Variants in WDR43 observed in about 807,000 individuals in gnomAD.
WDR43 encodes WD repeat-containing protein 43.
Under a neutral mutation model 91.4 loss-of-function variants are expected in WDR43, and 13 were observed. The ratio of observed to expected loss-of-function variants is 0.14; its 90% CI spans 0.09 to 0.23. The LOEUF (loss-of-function observed/expected upper bound fraction) is 0.23, where lower values mean the gene tolerates loss of function less well. WDR43 is among the 10% of genes least tolerant of loss of function. The probability of loss-of-function intolerance (pLI) is 1.00; values close to 1 mark genes in which losing one functional copy is unlikely to be tolerated. For missense variants in WDR43, 780 were observed against 809.4 expected (o/e 0.96, Z 0.44); for synonymous variants, 331 against 287.9 (o/e 1.15, Z -1.51).
At chr2:28,930,565 A>G (rs1671219647) in intron 11 of WDR43, among the ~76,000 whole-genome samples, 3 of 152,148 alleles carry the variant, frequency 2.0e-5, no homozygotes, top group Admixed American at 2.0e-4. Flanking sequence ...GAATGTGTGT[A>G]TTGTGGAGGT....
chr2:28,915,677 A>G (rs577219088), intron 5 of WDR43, among the ~76,000 whole-genome samples: 2 of 152,338 alleles, frequency 1.3e-5, no homozygotes, highest in South Asian at 2.1e-4. Context: ...GAGCGGGCCT[A>G]AAGTTCCCTG....
intron 13 of WDR43, 59 bp downstream of exon 13, chr2:28,937,012 AGGTG>A: frequency 1.3e-6 from 2 of 1,502,742 alleles, no homozygotes; most frequent in Non-Finnish European, 1.8e-6. Context: ...ATTAAATATT[AGGTG>A]GTTCTGATTT....
intron 5 of WDR43, among the ~76,000 whole-genome samples, chr2:28,915,445 G>T (rs1040276189): frequency 6.6e-6 from 1 of 152,058 alleles, no homozygotes; most frequent in Admixed American, 6.5e-5. Flanking sequence ...TTACCGCTTA[G>T]GCTTCCTCAT....
intron 1 of WDR43, among the ~76,000 whole-genome samples, chr2:28,898,382 G>C (rs773676955): frequency 2.2e-4 from 34 of 152,218 alleles, no homozygotes; most frequent in Non-Finnish European, 4.1e-4. Flanking sequence ...CTTGCTAACA[G>C]TTAAACTTCC....
rs1048438489 is a variant in WDR43, at chr2:28,947,634, AT to A, written c.*861del. On this transcript the variant is annotated 3_prime_UTR_variant, in exon 18 of 18. Coordinates refer to ENST00000407426, the MANE Select transcript of WDR43 (RefSeq NM_015131.3). ...CTAATGGATCAAAGAACAATTGTTT[AT>A]TTTTTCTCTTTGGTTTTAGATATTA... The A allele has an allele frequency of 9.9e-5, 15 of 151,798 alleles. No homozygotes were observed. Among genetic ancestry groups the A allele is most frequent in the African/African-American group, 3.6e-4 (15 of 41,368 alleles). The allele number at this position is 151,798 out of a possible 1,614,324, so 9.4% of individuals were successfully genotyped here.
At chr2:28,902,291 A>T (rs954443972) in intron 2 of WDR43, among the ~76,000 whole-genome samples, 167 bp downstream of exon 2, 1 of 152,222 alleles carries the variant, frequency 6.6e-6, no homozygotes, top group East Asian at 1.9e-4. Context: ...GATAAAAGCT[A>T]TAATAGTTAA....
chr2:28,943,982 G>C (rs1229398360), intron 16 of WDR43, among the ~76,000 whole-genome samples: 2 of 152,186 alleles, frequency 1.3e-5, no homozygotes, highest in African/African-American at 4.8e-5. Context: ...TGATCCCAAA[G>C]TGCTTGTGTG....
At chr2:28,907,446 C>CT (rs1553326139) in intron 3 of WDR43, among the ~76,000 whole-genome samples, 1 of 19,244 alleles carries the variant, frequency 5.2e-5, no homozygotes, top group Non-Finnish European at 2.4e-4. Context: ...CACCTCTTTA[C>CT]AAAAAAAAAA....
At position 28,902,093 on chromosome 2, in the gene WDR43, C is replaced by T. The variant is rs775312086; in HGVS notation, c.332C>T (p.Thr111Ile). The change falls in exon 2 of 18, where the codon ACA (threonine) becomes ATA (isoleucine). Residue 111 changes from threonine to isoleucine, a missense_variant. Physicochemically the swap from Thr to Ile is moderately conservative, Grantham distance 89 (BLOSUM62 -1). Around this residue, in one of 4 missense-constraint regions of WDR43, gnomAD observed 174 missense variants for 207.3 expected, o/e 0.84. Transcript: ENST00000407426. Reference protein sequence around the residue: ...TAVGSILLYSTVKGELHSKLI... With the variant: ...TAVGSILLYSIVKGELHSKLI... ...GTTGGTAGCATTTTATTATACAGCA[C>T]AGTAAAAGGAGAGTTACACAGTAAA... The T allele has an allele frequency of 8.1e-6, 13 of 1,595,484 alleles. No homozygotes were observed. The highest frequency in any genetic ancestry group is 2.2e-5 in the East Asian group (1 of 44,446).
chr2:28,919,140 C>G (rs1252738697), intron 6 of WDR43, among the ~76,000 whole-genome samples: 2 of 152,032 alleles, frequency 1.3e-5, no homozygotes, highest in East Asian at 3.9e-4. Flanking sequence ...CACTGGTGGT[C>G]CCACATACTT....
intron 3 of WDR43, among the ~76,000 whole-genome samples, chr2:28,907,637 G>A (rs567754353): frequency 2.0e-5 from 3 of 151,480 alleles, no homozygotes; most frequent in African/African-American, 7.3e-5. Context: ...TGGGCTTGGT[G>A]GCTCACGCCT....
intron 11 of WDR43, among the ~76,000 whole-genome samples, chr2:28,934,798 T>C (rs1474930860): frequency 1.3e-5 from 2 of 152,168 alleles, no homozygotes; most frequent in Non-Finnish European, 2.9e-5. Context: ...ATTCTGAGCA[T>C]ATTTATAGCA....
chr2:28,931,743 G>T (rs1671251145), intron 11 of WDR43, among the ~76,000 whole-genome samples: 1 of 151,650 alleles, frequency 6.6e-6, no homozygotes, highest in Non-Finnish European at 1.5e-5. Context: ...ATAAAATGCT[G>T]TTTATGAAAA....
At position 28,925,143 on chromosome 2, in the gene WDR43, T is replaced by C. The variant is rs200497012; in HGVS notation, c.1076T>C (p.Ile359Thr). The C allele has an allele frequency of 2.0e-4, 325 of 1,613,006 alleles. No individual in the cohort carries two copies. Among genetic ancestry groups the C allele is most frequent in the Middle Eastern group, 1.6e-4 (1 of 6,080 alleles). The change falls in exon 8 of 18, where the codon ATT (isoleucine) becomes ACT (threonine). Residue 359 changes from isoleucine (I) to threonine (T), a missense_variant. By Grantham distance (89) the Ile-to-Thr change is moderately conservative. Transcript: ENST00000407426. The part of the protein sequence containing the change: ...LVYGSWFQPT[I>T]ERVALNSREP... ...TATGGCAGTTGGTTTCAGCCTACTA[T>C]TGAGCGAGTGGTACGTAGCTGCTAC...
intron 7 of WDR43, among the ~76,000 whole-genome samples, chr2:28,924,040 A>G (rs751826676): frequency 2.0e-5 from 3 of 152,172 alleles, no homozygotes; most frequent in Admixed American, 6.5e-5. Context: ...AGTTGGAAAG[A>G]TAGGGATCAT....
At chr2:28,945,974 G>A (rs1330192045) in intron 16 of WDR43, among the ~76,000 whole-genome samples, 5 of 152,164 alleles carry the variant, frequency 3.3e-5, no homozygotes, top group Non-Finnish European at 5.9e-5. Context: ...TTTTGTAAGG[G>A]TTTGGCTAGT....
At chr2:28,944,608 A>G (rs1476208541) in intron 16 of WDR43, among the ~76,000 whole-genome samples, 1 of 152,254 alleles carries the variant, frequency 6.6e-6, no homozygotes, top group East Asian at 1.9e-4. Context: ...TTAGCATAAC[A>G]CTACATTGGT....
Position 28,894,838 on chromosome 2 carries a change from G to A in WDR43, c.140G>A (p.Arg47Gln), listed in dbSNP as rs754918492. ...CGAGTATGGGAGACGGCCAACAACC[G>A]GCTGCACCAGGAGTACGTGCCTTCC... ...HLRVWETANNRLHQEYVPSAH... is the reference protein window; with the variant it reads ...HLRVWETANNQLHQEYVPSAH... The change falls in exon 1 of 18, where the codon CGG becomes CAG. Residue 47 changes from arginine to glutamine, a missense_variant. This residue lies in a region of WDR43 where 175 missense variants were observed against 113.8 expected (regional missense o/e 1.54). Coordinates refer to ENST00000407426, the MANE Select transcript of WDR43 (RefSeq NM_015131.3). 1 of 1,611,236 alleles carries A rather than the reference G, an allele frequency of 6.2e-7. No homozygotes were observed. The highest frequency in any genetic ancestry group is 1.1e-5 in the South Asian group (1 of 90,578).
chr2:28,926,605 T>C, intron 9 of WDR43, 51 bp downstream of exon 9: 1 of 1,420,756 alleles, frequency 7.0e-7, no homozygotes, highest in Non-Finnish European at 9.6e-7. Flanking sequence ...TTTCTTTGGG[T>C]GAATGGAACT....
Sources: gnomAD v4.1 joint callset for allele counts (sites outside exome capture counted in the v4.1 genomes callset) on GRCh38, gnomAD v4.1.1 for gene constraint, gnomAD v4.1.1 regional missense constraint, MANE v1.5 for transcripts, NCBI Gene and HGNC (gene_info 2026-07-23, HGNC 2026-07-21) for gene names.